Variants in WDPCP observed in about 807,000 individuals in gnomAD.
WDPCP encodes WD repeat containing planar cell polarity effector, also known as WD repeat-containing and planar cell polarity effector protein fritz homolog.
WDPCP carries 71 observed loss-of-function variants against 93.1 expected under a neutral mutation model. The observed-to-expected ratio is 0.76, with a 90% CI of 0.63 to 0.93. The LOEUF (loss-of-function observed/expected upper bound fraction) is 0.93. WDPCP is among the 40% of genes least tolerant of loss of function. WDPCP has a pLI of 0.00. For synonymous variants in WDPCP, 315 were observed against 315.0 expected, an observed-to-expected ratio of 1.00 and a Z score of 0.00; for missense variants, 844 against 887.4, an observed-to-expected ratio of 0.95 and a Z score of 0.62.
Position 63,481,465 on chromosome 2 carries a change from G to A in WDPCP, c.384+3139C>T, listed in dbSNP as rs185218859. ...ATGCATGTTTGCAGCAGCACAATTC[G>A]CAATTGCAAAAATATGGAACCAGCC... On this transcript the variant is annotated intron_variant, in intron 6 of 17. Coordinates refer to ENST00000272321, the MANE Select transcript of WDPCP (RefSeq NM_015910.7). Among the ~76,000 whole-genome samples, 18 of 151,952 alleles carry A rather than the reference G, an allele frequency of 1.2e-4. No individual in the cohort carries two copies. The East Asian group carries it at 1.7e-3, about 15-fold the overall frequency.
intron 13 of WDPCP, among the ~76,000 whole-genome samples, chr2:63,263,324 G>A (rs1426720998): frequency 6.6e-6 from 1 of 152,206 alleles, no homozygotes; most frequent in Non-Finnish European, 1.5e-5. Context: ...CAATGGTATT[G>A]GAAGGTGGGG....
chr2:63,716,721 T>C (rs1669344440), intron 2 of WDPCP, among the ~76,000 whole-genome samples: 1 of 152,194 alleles, frequency 6.6e-6, no homozygotes, highest in Non-Finnish European at 1.5e-5. Flanking sequence ...ATGAGGACTT[T>C]ATTGGAAAAT....
intron 3 of WDPCP, among the ~76,000 whole-genome samples, chr2:63,609,742 C>T (rs1709595361): frequency 6.6e-6 from 1 of 152,076 alleles, no homozygotes; most frequent in African/African-American, 2.4e-5. Flanking sequence ...CATGGTGGTG[C>T]ACACCTGTAG....
chr2:63,603,109 G>A (rs1016671456), intron 3 of WDPCP, among the ~76,000 whole-genome samples: 6 of 152,002 alleles, frequency 3.9e-5, no homozygotes, highest in African/African-American at 1.2e-4. Context: ...ACAGGCACAC[G>A]CTGCCACACC....
intron 9 of WDPCP, among the ~76,000 whole-genome samples, chr2:63,422,619 G>A (rs1695952260): frequency 6.6e-6 from 1 of 152,036 alleles, no homozygotes; most frequent in African/African-American, 2.4e-5. Context: ...TTACCATTTT[G>A]CAACCCTAAT....
intron 13 of WDPCP, among the ~76,000 whole-genome samples, chr2:63,294,907 A>G (rs1684728316): frequency 6.6e-6 from 1 of 152,158 alleles, no homozygotes; most frequent in South Asian, 2.1e-4. Flanking sequence ...GTAATACTAC[A>G]TTTTATATTT....
intron 1 of WDPCP, among the ~76,000 whole-genome samples, chr2:63,506,337 A>G (rs1245956884): frequency 6.6e-6 from 1 of 152,050 alleles, no homozygotes; most frequent in African/African-American, 2.4e-5. Flanking sequence ...ACTTGGCAAC[A>G]TATACAAAGT....
intron 9 of WDPCP, among the ~76,000 whole-genome samples, chr2:63,406,795 C>A (rs914831351): frequency 6.6e-6 from 1 of 152,146 alleles, no homozygotes; most frequent in Admixed American, 6.5e-5. Context: ...TTCCTTTCCT[C>A]CATGTACAGG....
intron 2 of WDPCP, among the ~76,000 whole-genome samples, chr2:63,767,013 C>T (rs1670152794): frequency 6.6e-6 from 1 of 152,048 alleles, no homozygotes; most frequent in Admixed American, 6.6e-5. Context: ...CCACCCTCAC[C>T]CCATCCCCAG....
At chr2:63,260,995 G>C (rs1279628310) in intron 13 of WDPCP, among the ~76,000 whole-genome samples, 10 of 152,162 alleles carry the variant, frequency 6.6e-5, no homozygotes, top group African/African-American at 2.2e-4. Context: ...ATTGAATGCT[G>C]AGTGGCTTTG....
intron 2 of WDPCP, among the ~76,000 whole-genome samples, chr2:63,704,343 A>G (rs1379592406): frequency 6.6e-6 from 1 of 152,132 alleles, no homozygotes; most frequent in African/African-American, 2.4e-5. Flanking sequence ...TATGTTGAAT[A>G]GGAGTGGTGA....
intron 2 of WDPCP, among the ~76,000 whole-genome samples, chr2:63,659,357 C>T (rs539242339): frequency 1.8e-4 from 28 of 152,222 alleles, no homozygotes; most frequent in African/African-American, 5.8e-4. Context: ...TTACCTTATT[C>T]GGAAAAGAGG....
intron 1 of WDPCP, 122 bp from the exon 2 acceptor site, chr2:63,493,062 A>G: frequency 1.2e-6 from 1 of 842,528 alleles, no homozygotes; most frequent in South Asian, 1.6e-5. Context: ...AATATGGCCC[A>G]TTAGAATAAA....
At chr2:63,533,709 A>G (rs1704041439) in intron 1 of WDPCP, among the ~76,000 whole-genome samples, 1 of 152,202 alleles carries the variant, frequency 6.6e-6, no homozygotes, top group African/African-American at 2.4e-5. Context: ...CATTTAAAGC[A>G]GTGTGTAGAG....
At chr2:63,403,314 C>A (rs1367226325) in intron 10 of WDPCP, among the ~76,000 whole-genome samples, 1 of 151,970 alleles carries the variant, frequency 6.6e-6, no homozygotes, top group African/African-American at 2.4e-5. Flanking sequence ...GAAAAGATAA[C>A]TATTGGGTAC....
At chr2:63,361,571 A>G (rs1690454638) in intron 12 of WDPCP, among the ~76,000 whole-genome samples, 1 of 152,256 alleles carries the variant, frequency 6.6e-6, no homozygotes, top group South Asian at 2.1e-4. Context: ...ACATGGAAAT[A>G]AAGCCAGTTA....
intron 2 of WDPCP, among the ~76,000 whole-genome samples, chr2:63,491,219 C>A (rs1446568): frequency 9.2e-5 from 14 of 151,930 alleles, no homozygotes; most frequent in African/African-American, 3.4e-4. Flanking sequence ...TTTTTTCCCC[C>A]CTTCCTACAT....
intron 2 of WDPCP, among the ~76,000 whole-genome samples, chr2:63,761,942 A>G (rs1670061525): frequency 6.6e-6 from 1 of 152,144 alleles, no homozygotes; most frequent in Non-Finnish European, 1.5e-5. Context: ...CTGGGGGTCT[A>G]GTTACTAATT....
chr2:63,323,019 T>G (rs1363707149), intron 12 of WDPCP, among the ~76,000 whole-genome samples: 1 of 152,216 alleles, frequency 6.6e-6, no homozygotes, highest in African/African-American at 2.4e-5. Context: ...TAGCGTTGGT[T>G]TGCCTGGAAC....
Sources: gnomAD v4.1 joint callset for allele counts (sites outside exome capture counted in the v4.1 genomes callset) on GRCh38, gnomAD v4.1.1 for gene constraint, MANE v1.5 for transcripts, NCBI Gene and HGNC (gene_info 2026-07-23, HGNC 2026-07-21) for gene names.